The following PTPRF variants were observed in gnomAD, a reference collection of about 807,000 sequenced individuals.
PTPRF encodes the protein protein tyrosine phosphatase receptor type F.
A neutral mutation model predicts 201.8 loss-of-function variants in PTPRF; 59 were observed. The observed-to-expected ratio is 0.29, with a 90% CI of 0.24 to 0.36. PTPRF has a LOEUF of 0.36. PTPRF is among the 10% of genes least tolerant of loss of function. The pLI, the probability that PTPRF is intolerant of heterozygous loss-of-function variation, is 1.00. For synonymous variants in PTPRF, 1,088 were observed against 1,089.7 expected, an observed-to-expected ratio of 1.00 and a Z score of 0.03; for missense variants, 2,132 against 2,690.5, an observed-to-expected ratio of 0.79 and a Z score of 4.59.
chr1:43,602,015 C>A, intron 13 of PTPRF, 56 bp from the exon 14 acceptor site: 1 of 1,581,692 alleles, frequency 6.3e-7, no homozygotes, highest in Non-Finnish European at 8.7e-7. Flanking sequence ...CAGGCCCTCT[C>A]CAGGTCAGAG....
At chr1:43,597,686 G>T (rs1652688939) in intron 11 of PTPRF, 62 bp from the exon 12 acceptor site, 1 of 1,189,866 alleles carries the variant, frequency 8.4e-7, no homozygotes, top group African/African-American at 1.5e-5. Flanking sequence ...CTGTGACTCA[G>T]TCATTGTGCC....
chr1:43,525,804 CAAA>C (rs1179056466), upstream of PTPRF, among the ~76,000 whole-genome samples: 6 of 35,568 alleles, frequency 1.7e-4, no homozygotes, highest in Non-Finnish European at 2.8e-4. Context: ...GACTCAGTCT[CAAA>C]AAAAAAAAAA....
At chr1:43,596,756 G>A (rs1394983035) in intron 11 of PTPRF, among the ~76,000 whole-genome samples, 1 of 152,192 alleles carries the variant, frequency 6.6e-6, no homozygotes, top group Admixed American at 6.5e-5. Context: ...TCCATATGTG[G>A]CTGTGTGTGC....
chr1:43,544,633 A>G (rs1258824426), intron 2 of PTPRF, among the ~76,000 whole-genome samples: 1 of 152,108 alleles, frequency 6.6e-6, no homozygotes, highest in East Asian at 1.9e-4. Flanking sequence ...CCTCTGTCCC[A>G]CGTAAGCGTC....
chr1:43,535,788 G>A (rs1224851562), intron 1 of PTPRF, among the ~76,000 whole-genome samples: 2 of 151,410 alleles, frequency 1.3e-5, no homozygotes, highest in Non-Finnish European at 2.9e-5. Flanking sequence ...TTTTCTCTTT[G>A]GTTTGAAACA....
intron 5 of PTPRF, among the ~76,000 whole-genome samples, chr1:43,566,837 A>G (rs183960701): frequency 6.6e-6 from 1 of 152,196 alleles, no homozygotes; most frequent in African/African-American, 2.4e-5. Flanking sequence ...TGTTTTATGG[A>G]CAGCTCTCCA....
intron 1 of PTPRF, among the ~76,000 whole-genome samples, chr1:43,531,870 G>C (rs6703614): frequency 0.021 from 3,143 of 152,270 alleles, 107 homozygotes; most frequent in African/African-American, 0.071. Flanking sequence ...TCGCCGTGCC[G>C]GCGTCTCTGT....
At chr1:43,523,465 C>T (rs1643011683), upstream of PTPRF, among the ~76,000 whole-genome samples, 1 of 151,952 alleles carries the variant, frequency 6.6e-6, no homozygotes, top group African/African-American at 2.4e-5. Flanking sequence ...GAGGATGACC[C>T]CGCCAAGGAG....
chr1:43,591,624 C>T (rs1650773152), intron 9 of PTPRF, 71 bp downstream of exon 9: 1 of 1,469,878 alleles, frequency 6.8e-7, no homozygotes, highest in Admixed American at 2.1e-5. Context: ...CGGTGCCTTT[C>T]CCCCTCCCTC....
In PTPRF at chr1:43,553,958, C is replaced by T. The variant is rs772660911; in HGVS notation, c.379+17C>T. 21 of 1,612,500 alleles carry T rather than the reference C, an allele frequency of 1.3e-5. No homozygotes were observed. Among genetic ancestry groups the T allele is most frequent in the South Asian group, 4.4e-5 (4 of 91,002 alleles). On this transcript the variant is annotated intron_variant, in intron 5 of 33. Coordinates refer to ENST00000359947, the MANE Select transcript of PTPRF (RefSeq NM_002840.5). The surrounding 1 kb of genome is among the most constrained non-coding windows in gnomAD (Gnocchi z 4.1). ...TGCTCGAAGGTACGTGCTAGGGAGA[C>T]GTGGCACGGTGGGCTGCCGGGCTGA...
intron 22 of PTPRF, chr1:43,613,233 A>G: frequency 3.2e-6 from 1 of 314,916 alleles, no homozygotes; most frequent in South Asian, 2.9e-5. Context: ...GCCACCGGTG[A>G]GGGGCAGGAG....
At chr1:43,576,305 C>A (rs1484121584) in intron 6 of PTPRF, among the ~76,000 whole-genome samples, 1 of 152,180 alleles carries the variant, frequency 6.6e-6, no homozygotes, top group East Asian at 1.9e-4. Flanking sequence ...TGTGACCAAG[C>A]CTTGCCTTTT....
chr1:43,618,818 C>T, intron 26 of PTPRF, 69 bp downstream of exon 26: 2 of 1,563,438 alleles, frequency 1.3e-6, no homozygotes, highest in Admixed American at 1.8e-5. Context: ...GTGTGGTGTG[C>T]TGGGTCGGGG....
At chr1:43,592,977 G>C (rs1419414402) in intron 11 of PTPRF, among the ~76,000 whole-genome samples, 1 of 152,114 alleles carries the variant, frequency 6.6e-6, no homozygotes, top group Non-Finnish European at 1.5e-5. Flanking sequence ...CTGCTTTGGC[G>C]GCTGTTTCTC....
intron 5 of PTPRF, among the ~76,000 whole-genome samples, chr1:43,558,671 C>T (rs367801233): frequency 6.6e-5 from 10 of 152,184 alleles, no homozygotes; most frequent in South Asian, 2.1e-4. Context: ...CTTGAGGCGG[C>T]GGCTGAATCA....
intron 18 of PTPRF, 21 bp from the exon 19 acceptor site, chr1:43,605,508 A>C (rs765480744): frequency 2.4e-5 from 38 of 1,613,852 alleles, no homozygotes; most frequent in Non-Finnish European, 3.1e-5. Context: ...GACAGTCCTG[A>C]TTCCTGCCCT....
chr1:43,610,650 C>A (rs139683118), intron 22 of PTPRF, among the ~76,000 whole-genome samples: 1 of 152,164 alleles, frequency 6.6e-6, no homozygotes, highest in African/African-American at 2.4e-5. Flanking sequence ...GAGGCTGAGC[C>A]GGGTGGATCA....
intron 6 of PTPRF, among the ~76,000 whole-genome samples, chr1:43,574,071 A>G (rs1053078168): frequency 7.6e-6 from 1 of 131,426 alleles, no homozygotes; most frequent in South Asian, 2.5e-4. Context: ...ATCTCGGCTC[A>G]TCGCAACCTC....
At chr1:43,602,958 A>AT (rs1654131656) in intron 14 of PTPRF, among the ~76,000 whole-genome samples, 1 of 152,130 alleles carries the variant, frequency 6.6e-6, no homozygotes, top group Non-Finnish European at 1.5e-5. Context: ...ACCTTAGCCC[A>AT]TCCTGCCACC....
Sources: allele counts gnomAD v4.1 joint callset (sites outside exome capture counted in the v4.1 genomes callset), GRCh38; gene constraint gnomAD v4.1.1; non-coding constraint Gnocchi (gnomAD v3.1); transcripts MANE v1.5; gene names NCBI Gene and HGNC (gene_info 2026-07-23, HGNC 2026-07-21).